SSC5D: variants seen among roughly 807,000 people sequenced by gnomAD.
SSC5D encodes soluble scavenger receptor cysteine-rich domain-containing protein SSC5D.
In SSC5D, 106 loss-of-function variants were observed where a neutral mutation model predicts 104.6. The observed-to-expected ratio is 1.01, with a 90% CI of 0.87 to 1.19. The LOEUF is 1.19. Among genes scored for constraint, SSC5D ranks in the 50% most tolerant of loss-of-function variants. The probability of loss-of-function intolerance (pLI) is 0.00; values close to 1 mark genes in which losing one functional copy is unlikely to be tolerated. For missense variants in SSC5D, 1,993 were observed against 2,153.8 expected (o/e 0.93, Z 1.48); for synonymous variants, 860 against 883.5 (o/e 0.97, Z 0.47).
At chr19:55,508,392 C>T (rs151235079) in intron 12 of SSC5D, among the ~76,000 whole-genome samples, 55 of 152,246 alleles carry the variant, frequency 3.6e-4, no homozygotes, top group Middle Eastern at 6.8e-3. Context: ...TATTTTATCG[C>T]GTGCTCTCCA....
chr19:55,517,120 T>C (rs1397755029), intron 13 of SSC5D, 104 bp from the exon 14 acceptor site: 18 of 1,080,336 alleles, frequency 1.7e-5, no homozygotes, highest in Non-Finnish European at 2.4e-5. Flanking sequence ...GTCTCGAGGC[T>C]CTGTGCCTTT....
intron 12 of SSC5D, among the ~76,000 whole-genome samples, chr19:55,511,330 G>A (rs1302174960): frequency 6.6e-6 from 1 of 152,200 alleles, no homozygotes; most frequent in Non-Finnish European, 1.5e-5. Context: ...TAGCCACAGA[G>A]CTTAAGGCGA....
chr19:55,517,359 G>A lies in SSC5D; in HGVS notation c.3083G>A (p.Arg1028Gln). 2 of 1,550,210 alleles carry A rather than the reference G, an allele frequency of 1.3e-6. No homozygotes were observed. Among genetic ancestry groups the A allele is most frequent in the South Asian group, 2.4e-5 (2 of 84,038 alleles). ...CCAGCGCTGACCTCTGACTCCAGTC[G>A]AGAGCTCACTCCCCACTCAGCCTTG... Reference protein sequence around the residue: ...PGPALTSDSSRELTPHSALTS... With the variant: ...PGPALTSDSSQELTPHSALTS... Residue 1028 changes from arginine (R) to glutamine (Q), a missense_variant, in exon 14 of 14, where the codon CGA (arginine) becomes CAA (glutamine). This residue lies in a region of SSC5D where 423 missense variants were observed against 409.2 expected (regional missense o/e 1.03). Transcript: ENST00000389623.
chr19:55,499,884 C>G lies in SSC5D; in HGVS notation c.1774C>G (p.Arg592Gly). ...WSWIPGLGRDRDAWLPGELAT... is the reference protein window; with the variant it reads ...WSWIPGLGRDGDAWLPGELAT... Reference sequence around the variant, plus strand: ...CTGGATTCCTGGACTGGGGAGAGATCGGGATGCCTGGCTCCCGGGAGAGCT... The same window carrying G: ...CTGGATTCCTGGACTGGGGAGAGATGGGGATGCCTGGCTCCCGGGAGAGCT... The change falls in exon 10 of 14, where the codon CGG (arginine) becomes GGG (glycine). Residue 592 changes from arginine to glycine, a missense_variant. This residue lies in a region of SSC5D where 1,101 missense variants were observed against 1,085.0 expected (regional missense o/e 1.01). Transcript: ENST00000389623. 1 of 1,551,638 alleles carries G rather than the reference C, an allele frequency of 6.4e-7. No homozygotes were observed. The highest frequency in any genetic ancestry group is 1.2e-5 in the South Asian group (1 of 84,046).
chr19:55,497,834 T>C (rs1439415495), intron 8 of SSC5D, 46 bp from the exon 9 acceptor site: 1 of 1,473,646 alleles, frequency 6.8e-7, no homozygotes, highest in Admixed American at 2.2e-5. Context: ...GTCAGGAGGC[T>C]GGGCGGCTTC....
chr19:55,495,055 TGA>T (rs1568476826), intron 8 of SSC5D, among the ~76,000 whole-genome samples: 1 of 151,330 alleles, frequency 6.6e-6, no homozygotes, highest in African/African-American at 2.4e-5. Context: ...GATGCTGGGC[TGA>T]GAGTCTGCTC....
At chr19:55,494,467 C>A (rs1568476483) in intron 7 of SSC5D, 143 bp from the exon 8 acceptor site, 1 of 901,884 alleles carries the variant, frequency 1.1e-6, no homozygotes, top group Non-Finnish European at 1.6e-6. Context: ...AAAGCGTGGG[C>A]TGTGTCTAGG....
At chr19:55,495,901 AT>A (rs36109915) in intron 8 of SSC5D, among the ~76,000 whole-genome samples, 30,953 of 98,544 alleles carry the variant, frequency 0.31, 3,462 homozygotes, top group South Asian at 0.47. Flanking sequence ...GAGCCTGGCT[AT>A]TTTTTTTTTT....
In SSC5D at chr19:55,500,423, G is replaced by A. The variant is rs144204478; in HGVS notation, c.2302+11G>A. On this transcript the variant is annotated intron_variant, in intron 10 of 13. Transcript: ENST00000389623. The surrounding 1 kb of genome is among the most constrained non-coding windows in gnomAD (Gnocchi z 4.6). ...CCACTGGGGAATCAGGTGAGTGGCC[G>A]TGAGGGGTGTGGGGAGAGAATGGGA... is the stretch of plus-strand genomic sequence containing the variant. 5.3e-4 allele frequency: 825 copies of A among 1,549,446 alleles called. No individual in the cohort carries two copies. The African/African-American group carries it at 7.0e-3, about 13-fold the overall frequency.
chr19:55,493,336 G>A (rs1176339221), intron 6 of SSC5D, among the ~76,000 whole-genome samples: 1 of 151,862 alleles, frequency 6.6e-6, no homozygotes, highest in Non-Finnish European at 1.5e-5. Flanking sequence ...AGGCATGGGA[G>A]GTGGATCCAG....
In SSC5D at chr19:55,506,188, A is replaced by G. The variant is rs1015443207; in HGVS notation, c.2785+4987A>G. Among the ~76,000 whole-genome samples, 6 of 151,588 alleles carry G rather than the reference A, an allele frequency of 4.0e-5. 1 individual carries two copies. Among genetic ancestry groups the G allele is most frequent in the Non-Finnish European group, 5.9e-5 (4 of 68,028 alleles). ...AGTTTCTGTGGATTGGGGCACACAC[A>G]TCTTTGGGCGAGGGGCATATTATCT... On this transcript the variant is annotated intron_variant, in intron 12 of 13. Coordinates refer to ENST00000389623, the MANE Select transcript of SSC5D (RefSeq NM_001144950.2).
In SSC5D at chr19:55,494,803, C is replaced by A; in HGVS notation, c.1387+20C>A. 1 of 1,519,750 alleles carries A rather than the reference C, an allele frequency of 6.6e-7. No homozygotes were observed. The highest frequency in any genetic ancestry group is 8.9e-7 in the Non-Finnish European group (1 of 1,127,688). 94.1% of individuals were successfully genotyped at this position (1,519,750 alleles called of 1,614,324 possible). On this transcript the variant is annotated intron_variant, in intron 8 of 13. Coordinates refer to ENST00000389623, the MANE Select transcript of SSC5D (RefSeq NM_001144950.2). ...AAGCCGGTGAGTCCCTCCATGCTCC[C>A]CAAGAAAACAGGGTCCTTCCTTCTG... is the stretch of plus-strand genomic sequence containing the variant.
chr19:55,512,802 G>A (rs953544757), intron 12 of SSC5D, among the ~76,000 whole-genome samples: 5 of 152,126 alleles, frequency 3.3e-5, no homozygotes, highest in East Asian at 1.9e-4. Flanking sequence ...TTCATTTTAT[G>A]TGCTAGTTTA....
Position 55,493,886 on chromosome 19 carries a change from G to T in SSC5D, c.1187G>T (p.Arg396Leu), listed in dbSNP as rs1372643166. The change falls in exon 7 of 14, where the codon CGC becomes CTC. Residue 396 changes from arginine to leucine, a missense_variant. Physicochemically the swap from Arg to Leu is moderately radical, Grantham distance 102 (BLOSUM62 -2). Transcript: ENST00000389623. Reference sequence around the variant, plus strand: ...TGGGGCCAGCATGACTGTCACCACCGCGAGGACGCCGGGGCCGTGTGTGAC... The same window carrying T: ...TGGGGCCAGCATGACTGTCACCACCTCGAGGACGCCGGGGCCGTGTGTGAC... The part of the protein sequence containing the change: ...RPWGQHDCHH[R>L]EDAGAVCDGM... 1.9e-6 allele frequency: 3 copies of T among 1,547,512 alleles called. No homozygotes were observed. The highest frequency in any genetic ancestry group is 2.6e-6 in the Non-Finnish European group (3 of 1,146,546).
intron 13 of SSC5D, 97 bp from the exon 14 acceptor site, chr19:55,517,127 C>A: frequency 8.5e-7 from 1 of 1,171,304 alleles, no homozygotes; most frequent in Non-Finnish European, 1.2e-6. Flanking sequence ...GGCTCTGTGC[C>A]TTTCCATTGG....
chr19:55,494,834 T>C, intron 8 of SSC5D, 51 bp downstream of exon 8: 1 of 1,486,494 alleles, frequency 6.7e-7, no homozygotes. Flanking sequence ...TTCTGTTTCC[T>C]TCCCTCAGCT....
chr19:55,517,088 A>C, intron 13 of SSC5D, 136 bp from the exon 14 acceptor site: 1 of 789,764 alleles, frequency 1.3e-6, no homozygotes, highest in Non-Finnish European at 2.0e-6. Flanking sequence ...GGGCCGGGTG[A>C]AGTCTGCCGG....
In SSC5D at chr19:55,503,308, C is replaced by T. The variant is rs549759989; in HGVS notation, c.2785+2107C>T. On this transcript the variant is annotated intron_variant, in intron 12 of 13. Coordinates refer to ENST00000389623, the MANE Select transcript of SSC5D (RefSeq NM_001144950.2). The surrounding 1 kb of genome is among the most constrained non-coding windows in gnomAD (Gnocchi z 4.0). ...TCAGCTTCGCCACCTGCTTCTCACT[C>T]GATTTTTCACGGTCGGTTTTGCTAT... 3.3e-5 allele frequency among the ~76,000 whole-genome samples: 5 copies of T among 152,256 alleles called. No individual in the cohort carries two copies. The highest frequency in any genetic ancestry group is 7.4e-5 in the Non-Finnish European group (5 of 68,016).
chr19:55,495,233 A>ATATATATATTTTTTT (rs1555765051), intron 8 of SSC5D, among the ~76,000 whole-genome samples: 3 of 50,664 alleles, frequency 5.9e-5, no homozygotes, highest in East Asian at 9.5e-4. Flanking sequence ...ATATATATAT[A>ATATATATATTTTTTT]TTTTTTTTTT....
Sources: allele counts gnomAD v4.1 joint callset (sites outside exome capture counted in the v4.1 genomes callset), GRCh38; gene constraint gnomAD v4.1.1; regional missense constraint gnomAD v4.1.1; non-coding constraint Gnocchi (gnomAD v3.1); transcripts MANE v1.5; gene names NCBI Gene and HGNC (gene_info 2026-07-23, HGNC 2026-07-21).